Variants in ERBB4 observed in about 807,000 individuals in gnomAD.
The protein encoded by ERBB4 is receptor tyrosine-protein kinase erbB-4.
ERBB4 carries 42 observed loss-of-function variants against 158.0 expected under a neutral mutation model. The observed-to-expected ratio is 0.27, with a 90% CI of 0.21 to 0.34. ERBB4 has a LOEUF of 0.34. Among genes scored for constraint, ERBB4 ranks in the 10% least tolerant of loss-of-function variants. ERBB4 has a pLI of 1.00. For missense variants in ERBB4, 1,333 were observed against 1,624.1 expected (o/e 0.82, Z 3.08); for synonymous variants, 583 against 558.7 (o/e 1.04, Z -0.61).
At chr2:211,468,695 G>C (rs2064757493) in intron 20 of ERBB4, among the ~76,000 whole-genome samples, 1 of 152,028 alleles carries the variant, frequency 6.6e-6, no homozygotes, top group Non-Finnish European at 1.5e-5. Context: ...TAAGAGGACA[G>C]ATGTATAAAC....
At chr2:211,672,560 C>A (rs1168640733) in intron 14 of ERBB4, among the ~76,000 whole-genome samples, 2 of 152,138 alleles carry the variant, frequency 1.3e-5, no homozygotes, top group Non-Finnish European at 2.9e-5. Context: ...GTATTTATTG[C>A]ACTGCTTTAG....
chr2:212,400,860 G>A (rs1480295859), intron 1 of ERBB4, among the ~76,000 whole-genome samples: 4 of 152,020 alleles, frequency 2.6e-5, no homozygotes, highest in Admixed American at 6.6e-5. Context: ...TGGGTCTGGG[G>A]CAACAATTTT....
At chr2:211,482,355 G>A (rs947798014) in intron 20 of ERBB4, among the ~76,000 whole-genome samples, 61 of 152,252 alleles carry the variant, frequency 4.0e-4, no homozygotes, top group African/African-American at 1.4e-3. Context: ...GAATTAGAAG[G>A]GTCATGCCTC....
At chr2:212,075,598 A>G (rs746603468) in intron 2 of ERBB4, among the ~76,000 whole-genome samples, 28 of 151,890 alleles carry the variant, frequency 1.8e-4, no homozygotes, top group Non-Finnish European at 3.2e-4. Context: ...TGAATTTCAA[A>G]AAGAAAAACT....
rs1214409797 is a variant in ERBB4, at chr2:212,469,117, C to T, written c.82+69332G>A. On this transcript the variant is annotated intron_variant, in intron 1 of 27. Coordinates refer to ENST00000342788, the MANE Select transcript of ERBB4 (RefSeq NM_005235.3). The stretch of plus-strand genomic sequence containing the variant: ...ATTTCTTTCTTTATATCATTTAACT[C>T]ACTAAAAAGAAGTGATTTTCAAAAT... Among the ~76,000 whole-genome samples the T allele has an allele frequency of 4.6e-5, 7 of 152,164 alleles. No homozygotes were observed. In the East Asian group the frequency reaches 1.2e-3, roughly 25 times the overall value.
At chr2:212,312,978 AAT>A (rs2087114794) in intron 1 of ERBB4, among the ~76,000 whole-genome samples, 1 of 150,976 alleles carries the variant, frequency 6.6e-6, no homozygotes, top group South Asian at 2.1e-4. Flanking sequence ...AAGAAAAATT[AAT>A]GTCTTTTTTT....
intron 13 of ERBB4, among the ~76,000 whole-genome samples, chr2:211,675,163 T>G (rs985704092): frequency 2.0e-5 from 3 of 152,164 alleles, no homozygotes; most frequent in African/African-American, 7.2e-5. Context: ...CCCTTTCACT[T>G]GAATCAGATT....
chr2:211,954,017 C>A (rs920831290), intron 2 of ERBB4, among the ~76,000 whole-genome samples: 3 of 151,960 alleles, frequency 2.0e-5, no homozygotes, highest in African/African-American at 7.2e-5. Context: ...CTGGGTTATC[C>A]TTTTACCTCT....
chr2:212,255,283 A>G (rs573487169), intron 1 of ERBB4, among the ~76,000 whole-genome samples: 2 of 152,188 alleles, frequency 1.3e-5, no homozygotes, highest in Non-Finnish European at 2.9e-5. Flanking sequence ...TATATGAAAG[A>G]CAGTAAGTGT....
chr2:211,733,553 A>G (rs1013689567), intron 5 of ERBB4, among the ~76,000 whole-genome samples: 1 of 148,726 alleles, frequency 6.7e-6, no homozygotes, highest in Non-Finnish European at 1.5e-5. Flanking sequence ...AAAAAAAGTC[A>G]TAATTATATC....
At chr2:211,407,885 A>G (rs1265357156) in intron 25 of ERBB4, among the ~76,000 whole-genome samples, 1 of 152,178 alleles carries the variant, frequency 6.6e-6, no homozygotes, top group Non-Finnish European at 1.5e-5. Context: ...AAAGCTGATG[A>G]GCCGGCCCAC....
intron 19 of ERBB4, among the ~76,000 whole-genome samples, chr2:211,611,483 C>T (rs1174672105): frequency 2.1e-5 from 3 of 144,644 alleles, no homozygotes; most frequent in Admixed American, 6.7e-5. Context: ...TAGGTCCGCA[C>T]GTTGCTCTAA....
intron 1 of ERBB4, among the ~76,000 whole-genome samples, chr2:212,363,347 C>G (rs1421337403): frequency 6.6e-6 from 1 of 151,250 alleles, no homozygotes; most frequent in Non-Finnish European, 1.5e-5. Context: ...AGGCTTTTAA[C>G]TGATATTTAT....
intron 5 of ERBB4, among the ~76,000 whole-genome samples, chr2:211,738,368 T>G (rs200373536): frequency 0.039 from 5,789 of 148,548 alleles, 329 homozygotes; most frequent in East Asian, 0.19. Flanking sequence ...TTTGTTTTTT[T>G]TTTTTTTTTT....
intron 12 of ERBB4, among the ~76,000 whole-genome samples, chr2:211,684,194 A>G (rs986366790): frequency 2.0e-5 from 3 of 152,142 alleles, no homozygotes; most frequent in African/African-American, 4.8e-5. Context: ...GCTCATGCCT[A>G]TAATCCCAGC....
intron 3 of ERBB4, among the ~76,000 whole-genome samples, chr2:211,877,792 A>G (rs1559603439): frequency 6.6e-6 from 1 of 152,176 alleles, no homozygotes; most frequent in African/African-American, 2.4e-5. Flanking sequence ...TATGTCTTCA[A>G]ATTTACTAAA....
chr2:211,614,956 T>C (rs987958950), intron 19 of ERBB4, among the ~76,000 whole-genome samples: 4 of 152,062 alleles, frequency 2.6e-5, no homozygotes, highest in African/African-American at 9.7e-5. Flanking sequence ...AATATTACCA[T>C]TTACATAATA....
intron 19 of ERBB4, among the ~76,000 whole-genome samples, chr2:211,590,801 C>T (rs2068437886): frequency 6.6e-6 from 1 of 152,166 alleles, no homozygotes; most frequent in Admixed American, 6.5e-5. Context: ...GTAAGGCGAA[C>T]CCATTGGGTG....
intron 4 of ERBB4, 130 bp from the exon 5 acceptor site, chr2:211,750,834 T>C: frequency 1.2e-6 from 1 of 825,450 alleles, no homozygotes; most frequent in Non-Finnish European, 2.0e-6. Context: ...AGCTGAAACA[T>C]AGCCCATAAA....
Sources: allele counts gnomAD v4.1 joint callset (sites outside exome capture counted in the v4.1 genomes callset), GRCh38; gene constraint gnomAD v4.1.1; transcripts MANE v1.5; gene names NCBI Gene and HGNC (gene_info 2026-07-23, HGNC 2026-07-21).